Variants in ADSS1 observed in about 807,000 individuals in gnomAD.
ADSS1 encodes adenylosuccinate synthetase isozyme 1.
In ADSS1, 57 loss-of-function variants were observed where a neutral mutation model predicts 59.1. The observed-to-expected ratio is 0.97, with a 90% CI of 0.78 to 1.20. The LOEUF is 1.20. Among genes scored for constraint, ADSS1 ranks in the 50% most tolerant of loss-of-function variants. The pLI is 0.00. For missense variants in ADSS1, 603 were observed against 610.3 expected (o/e 0.99, Z 0.13); for synonymous variants, 247 against 249.4 (o/e 0.99, Z 0.09).
chr14:104,738,517 G>T lies in ADSS1; in HGVS notation c.358+79G>T, dbSNP rs554691903. 11 of 1,525,708 alleles carry T rather than the reference G, an allele frequency of 7.2e-6. No homozygotes were observed. In the South Asian group the frequency reaches 1.3e-4, roughly 17 times the overall value. The allele number at this position is 1,525,708 out of a possible 1,614,324, so 94.5% of individuals were successfully genotyped here. On this transcript the variant is annotated intron_variant, in intron 3 of 12. Transcript: ENST00000330877. ...GTTGTTGGCTGGAGCCTTCCTGAGG[G>T]TTTCTCCCACGGAGGGGACTGGCAG...
chr14:104,742,084 G>A, intron 9 of ADSS1, 82 bp downstream of exon 9: 1 of 1,548,958 alleles, frequency 6.5e-7, no homozygotes. Context: ...GCAGTGCCAG[G>A]GTGGAGGCTC....
chr14:104,736,881 G>GATTATGTATATATAT (rs1254196679), intron 2 of ADSS1, among the ~76,000 whole-genome samples: 1 of 106,588 alleles, frequency 9.4e-6, no homozygotes, highest in African/African-American at 3.6e-5. Context: ...GCACCTAGCT[G>GATTATGTATATATAT]ATATATATAT....
At chr14:104,731,474 G>T (rs905055339) in intron 1 of ADSS1, among the ~76,000 whole-genome samples, 2 of 152,202 alleles carry the variant, frequency 1.3e-5, no homozygotes, top group Non-Finnish European at 2.9e-5. Flanking sequence ...CTCTCCACCT[G>T]TAGGGGCAGC....
Position 104,730,054 on chromosome 14 carries a change from T to G in ADSS1, c.193-4966T>G, listed in dbSNP as rs61733839. On this transcript the variant is annotated intron_variant, in intron 1 of 12. Transcript: ENST00000330877. Reference sequence around the variant, plus strand: ...TACTGAGTGGCCACTCCGTGCCAGCTCAGCCCACCCCTCACCTTCCCAGTG... The same window carrying G: ...TACTGAGTGGCCACTCCGTGCCAGCGCAGCCCACCCCTCACCTTCCCAGTG... 5.6e-4 allele frequency: 887 copies of G among 1,570,506 alleles called. 4 individuals are homozygous for G. The African/African-American group carries it at 0.01, about 18-fold the overall frequency.
chr14:104,741,393 G>T, intron 8 of ADSS1, 150 bp downstream of exon 8: 1 of 1,059,728 alleles, frequency 9.4e-7, no homozygotes, highest in Non-Finnish European at 1.3e-6. Context: ...AATGATCCTC[G>T]TGTCCTTAGT....
In ADSS1 at chr14:104,740,570, T is replaced by C. The variant is rs2140808392; in HGVS notation, c.477-31T>C. ...GCCTGAGCTCCTCAGGGCTCCTGGG[T>C]TCTCATGGGTACCCACTCCCCATCT... On this transcript the variant is annotated intron_variant, in intron 5 of 12. Transcript: ENST00000330877. The surrounding 1 kb of genome is among the most constrained non-coding windows in gnomAD (Gnocchi z 4.8). The C allele has an allele frequency of 6.2e-7, 1 of 1,601,406 alleles. No homozygotes were observed. Among genetic ancestry groups the C allele is most frequent in the Non-Finnish European group, 8.5e-7 (1 of 1,171,586 alleles).
At position 104,739,372 on chromosome 14, in the gene ADSS1, C is replaced by T. The variant is rs1461517172; in HGVS notation, c.403C>T (p.His135Tyr). ...GAGGCTCATCATCTCTGACAGAGCCCACCTTGGTACGTTTCCCACTGGAGT... is the reference window on the plus strand; with the variant it reads ...GAGGCTCATCATCTCTGACAGAGCCTACCTTGGTACGTTTCCCACTGGAGT... ...EKRLIISDRA[H>Y]LVFDFHQAVD... is the part of the protein sequence containing the mutation. Residue 135 changes from histidine (H) to tyrosine (Y), a missense_variant, in exon 4 of 13, where the codon CAC becomes TAC. Transcript: ENST00000330877. The T allele has an allele frequency of 2.1e-5, 33 of 1,605,950 alleles. No homozygotes were observed. The highest frequency in any genetic ancestry group is 2.7e-5 in the Non-Finnish European group (32 of 1,176,636).
chr14:104,724,430 G>A lies in ADSS1; in HGVS notation c.160G>A (p.Ala54Thr). 1 of 1,260,472 alleles carries A rather than the reference G, an allele frequency of 7.9e-7. No individual in the cohort carries two copies. The highest frequency in any genetic ancestry group is 1.0e-6 in the Non-Finnish European group (1 of 997,828). The allele number at this position is 1,260,472 out of a possible 1,614,324, so 78.1% of individuals were successfully genotyped here. A position where few individuals can be genotyped will look rare whatever the true frequency, so the allele number is the denominator to read the frequency against. ...CAAAGGCAAGGTGGTGGACCTGCTG[G>A]CCACGGACGCCGACATCATCAGCCG... Reference protein sequence around the residue: ...EGKGKVVDLLATDADIISRCQ... With the variant: ...EGKGKVVDLLTTDADIISRCQ... Residue 54 changes from alanine (A) to threonine (T), a missense_variant, in exon 1 of 13, where the codon GCC becomes ACC. Coordinates refer to ENST00000330877, the MANE Select transcript of ADSS1 (RefSeq NM_152328.5).
intron 1 of ADSS1, among the ~76,000 whole-genome samples, chr14:104,731,653 G>A (rs538470657): frequency 6.6e-6 from 1 of 152,318 alleles, no homozygotes; most frequent in African/African-American, 2.4e-5. Context: ...CCGGCTGGAC[G>A]TGGGGACCCT....
chr14:104,737,866 C>G (rs1891187238), intron 2 of ADSS1: 1 of 153,452 alleles, frequency 6.5e-6, no homozygotes. Context: ...AGGCTGAATA[C>G]TCTTCCATCG....
In ADSS1 at chr14:104,740,769, G is replaced by C; in HGVS notation, c.584+61G>C. On this transcript the variant is annotated intron_variant, in intron 6 of 12. Coordinates refer to ENST00000330877, the MANE Select transcript of ADSS1 (RefSeq NM_152328.5). This position sits in a 1 kb window ranked among gnomAD's most constrained non-coding sequence, Gnocchi z 4.8. ...GGAGAAGTTGCCGGAAGGGACTGTG[G>C]CTAGTGGGGAGGGCCCTGAGGACCA... is the stretch of plus-strand genomic sequence containing the variant. The C allele has an allele frequency of 1.9e-6, 3 of 1,612,816 alleles. No homozygotes were observed. Among genetic ancestry groups the C allele is most frequent in the Non-Finnish European group, 2.5e-6 (3 of 1,178,994 alleles).
At chr14:104,732,958 C>T (rs1595198778) in intron 1 of ADSS1, among the ~76,000 whole-genome samples, 1 of 152,184 alleles carries the variant, frequency 6.6e-6, no homozygotes, top group Non-Finnish European at 1.5e-5. Flanking sequence ...GTTCGAGTCA[C>T]GCCAGGGCCT....
chr14:104,736,002 G>A (rs528492120), intron 2 of ADSS1, among the ~76,000 whole-genome samples: 4 of 152,328 alleles, frequency 2.6e-5, no homozygotes, highest in East Asian at 1.9e-4. Flanking sequence ...GGGGTCAGGC[G>A]CCTCAGGTGT....
At chr14:104,741,699 CA>C in intron 8 of ADSS1, 148 bp from the exon 9 acceptor site, 2 of 949,422 alleles carry the variant, frequency 2.1e-6, no homozygotes. Flanking sequence ...TCGGCCACTC[CA>C]CCAGGACAGG....
At chr14:104,729,163 T>G (rs1890806936) in intron 1 of ADSS1, among the ~76,000 whole-genome samples, 1 of 152,032 alleles carries the variant, frequency 6.6e-6, no homozygotes, top group Non-Finnish European at 1.5e-5. Flanking sequence ...AGAGGAGTCA[T>G]CCATGGCAGT....
Position 104,744,804 on chromosome 14 carries a change from T to A in ADSS1, c.1074-8T>A. 6.2e-7 allele frequency: 1 copy of A among 1,614,110 alleles called. No individual in the cohort carries two copies. On this transcript the variant is annotated splice_region_variant and splice_polypyrimidine_tract_variant and intron_variant, in intron 10 of 12. Coordinates refer to ENST00000330877, the MANE Select transcript of ADSS1 (RefSeq NM_152328.5). ...CTTGGGTTTGCCCGGCCCCTTGGCT[T>A]TCCACAGGCTGGCCCTGACGAAGCT... is the stretch of plus-strand genomic sequence containing the variant.
chr14:104,724,295 G>A lies in ADSS1; in HGVS notation c.25G>A (p.Asp9Asn). 4 of 1,232,366 alleles carry A rather than the reference G, an allele frequency of 3.2e-6. No individual in the cohort carries two copies. Among genetic ancestry groups the A allele is most frequent in the Non-Finnish European group, 4.1e-6 (4 of 986,282 alleles). The allele number at this position is 1,232,366 out of a possible 1,614,324, so 76.3% of individuals were successfully genotyped here. A position where few individuals can be genotyped will look rare whatever the true frequency, so the allele number is the denominator to read the frequency against. MSGTRASN[D>N]RPPGAGGVKR... ...CATGTCGGGGACCCGAGCCTCCAAC[G>A]ACCGGCCCCCCGGCGCAGGCGGCGT... is the stretch of plus-strand genomic sequence containing the variant. Residue 9 changes from aspartate (D) to asparagine (N), a missense_variant, in exon 1 of 13, where the codon GAC (aspartate) becomes AAC (asparagine). Transcript: ENST00000330877.
At chr14:104,746,152 G>T in intron 11 of ADSS1, 84 bp from the exon 12 acceptor site, 2 of 1,511,396 alleles carry the variant, frequency 1.3e-6, no homozygotes, top group South Asian at 1.3e-5. Context: ...GGCCCTGGAT[G>T]GGGGTGGCCG....
intron 1 of ADSS1, among the ~76,000 whole-genome samples, chr14:104,733,723 A>G (rs1343860882): frequency 6.6e-6 from 1 of 152,184 alleles, no homozygotes; most frequent in East Asian, 1.9e-4. Flanking sequence ...GTGGGGCTGG[A>G]TCTGGGCTCT....
Sources: gnomAD v4.1 joint callset for allele counts (sites outside exome capture counted in the v4.1 genomes callset) on GRCh38, gnomAD v4.1.1 for gene constraint, Gnocchi (gnomAD v3.1) non-coding constraint, MANE v1.5 for transcripts, NCBI Gene and HGNC (gene_info 2026-07-23, HGNC 2026-07-21) for gene names.